Variants in ANKRD30B observed in about 807,000 individuals in gnomAD.
ANKRD30B encodes ankyrin repeat domain 30B.
In ANKRD30B, 144 loss-of-function variants were observed where a neutral mutation model predicts 202.2. The ratio of observed to expected loss-of-function variants is 0.71; its 90% CI spans 0.62 to 0.82. ANKRD30B has a LOEUF of 0.82. ANKRD30B is among the 40% of genes least tolerant of loss of function. The pLI is 0.00. For synonymous variants in ANKRD30B, 508 were observed against 561.3 expected (o/e 0.91, Z 1.34); for missense variants, 1,487 against 1,669.1 (o/e 0.89, Z 1.90).
the ANKRD30B span, among the ~76,000 whole-genome samples, chr18:14,933,610 T>A: frequency 6.6e-6 from 1 of 151,944 alleles, no homozygotes; most frequent in East Asian, 1.9e-4. Context: ...TGAGGCTTCC[T>A]CTCCTGGGCT....
intron 3 of ANKRD30B, among the ~76,000 whole-genome samples, chr18:14,754,211 G>T (rs1355128442): frequency 6.6e-6 from 1 of 152,066 alleles, no homozygotes; most frequent in East Asian, 1.9e-4. Context: ...TTGGCATCTG[G>T]GATCTTGGGA....
the ANKRD30B span, among the ~76,000 whole-genome samples, chr18:14,941,123 T>G: frequency 7.9e-5 from 12 of 152,224 alleles, no homozygotes; most frequent in Admixed American, 1.3e-4. Flanking sequence ...AGAAATAAAC[T>G]TATTGAACCA....
intron 1 of ANKRD30B, among the ~76,000 whole-genome samples, chr18:14,751,443 A>AGG (rs1913436341): frequency 6.6e-6 from 1 of 152,092 alleles, no homozygotes; most frequent in African/African-American, 2.4e-5. Context: ...TGAGAGATTT[A>AGG]AAATTGGAGT....
At chr18:14,759,864 A>G (rs1441137849) in intron 5 of ANKRD30B, among the ~76,000 whole-genome samples, 1 of 152,250 alleles carries the variant, frequency 6.6e-6, no homozygotes, top group Admixed American at 6.5e-5. Context: ...AAACTGCAAC[A>G]TTTCAACATT....
At chr18:14,871,045 C>CCT in the ANKRD30B span, among the ~76,000 whole-genome samples, 2 of 113,148 alleles carry the variant, frequency 1.8e-5, no homozygotes, top group Admixed American at 8.7e-5. Context: ...ACACCCCCAC[C>CCT]CACACACCCC....
rs1192239447 is a variant in ANKRD30B at position 14,788,618 on chromosome 18, C to G, written c.1734+1518C>G. On this transcript the variant is annotated intron_variant, in intron 15 of 43. Coordinates refer to ENST00000690538, the MANE Select transcript of ANKRD30B (RefSeq NM_001367607.2). Reference sequence around the variant, plus strand: ...GTCCATGTGTTCTCATTGTTCAATTCCCACCTATGAGTGAGAATATGCGGT... The same window carrying G: ...GTCCATGTGTTCTCATTGTTCAATTGCCACCTATGAGTGAGAATATGCGGT... Among the ~76,000 whole-genome samples the G allele has an allele frequency of 2.0e-5, 3 of 150,086 alleles. No individual in the cohort carries two copies. In the South Asian group the frequency reaches 6.5e-4, roughly 33 times the overall value.
At chr18:14,768,848 G>A (rs139049076) in intron 7 of ANKRD30B, among the ~76,000 whole-genome samples, 22 of 152,216 alleles carry the variant, frequency 1.4e-4, no homozygotes, top group East Asian at 1.4e-3. Flanking sequence ...TTTTCTGTCC[G>A]TCTTACAGGA....
At chr18:14,860,019 A>T in the ANKRD30B span, among the ~76,000 whole-genome samples, 1 of 137,450 alleles carries the variant, frequency 7.3e-6, no homozygotes, top group Non-Finnish European at 1.6e-5. Flanking sequence ...AGCTGGGCAG[A>T]GGCGCTCCTC....
chr18:14,867,554 G>A, the ANKRD30B span, among the ~76,000 whole-genome samples: 1 of 152,180 alleles, frequency 6.6e-6, no homozygotes, highest in Non-Finnish European at 1.5e-5. Flanking sequence ...CCCGGCCCTT[G>A]CCCTCTTGCT....
At chr18:14,855,711 G>A (rs528606067), downstream of ANKRD30B, among the ~76,000 whole-genome samples, 1 of 148,704 alleles carries the variant, frequency 6.7e-6, no homozygotes, top group Non-Finnish European at 1.5e-5. Flanking sequence ...AGACGGGGCG[G>A]CTGGGCAGAG....
In ANKRD30B at chr18:14,749,304, G is replaced by A. The variant is rs571318673; in HGVS notation, c.221+664G>A. On this transcript the variant is annotated intron_variant, in intron 1 of 43. Transcript: ENST00000690538. ...TTAAATTACACAGGCTTTTACTGTT[G>A]TGATGACATTTTAAATATTTTGTAA... is the stretch of plus-strand genomic sequence containing the variant. Among the ~76,000 whole-genome samples the A allele has an allele frequency of 1.1e-4, 16 of 152,280 alleles. No individual in the cohort carries two copies. The South Asian group carries it at 3.1e-3, about 30-fold the overall frequency.
the ANKRD30B span, among the ~76,000 whole-genome samples, chr18:14,876,107 G>A: frequency 6.6e-6 from 1 of 151,998 alleles, no homozygotes; most frequent in Admixed American, 6.6e-5. Context: ...AAAAGGAACA[G>A]GGCATGGCTC....
chr18:14,822,516 T>C lies in ANKRD30B; in HGVS notation c.2670+5T>C. ...GATAAAGATGGTCTTCTGAAGGTAA[T>C]AACTTTTATATTTTTATCTTGAATA... On this transcript the variant is annotated splice_donor_5th_base_variant and intron_variant, in intron 31 of 43. Coordinates refer to ENST00000690538, the MANE Select transcript of ANKRD30B (RefSeq NM_001367607.2). 2.2e-6 allele frequency: 3 copies of C among 1,336,844 alleles called. No individual in the cohort carries two copies. The highest frequency in any genetic ancestry group is 3.2e-6 in the Non-Finnish European group (3 of 944,202). The allele number at this position is 1,336,844 out of a possible 1,614,324, so 82.8% of individuals were successfully genotyped here.
At chr18:14,749,152 C>A (rs1322242826) in intron 1 of ANKRD30B, among the ~76,000 whole-genome samples, 1 of 152,082 alleles carries the variant, frequency 6.6e-6, no homozygotes. Context: ...TGCTGAGGGA[C>A]CTTAGAAGGA....
At chr18:14,750,232 C>T (rs538684707) in intron 1 of ANKRD30B, among the ~76,000 whole-genome samples, 5 of 152,088 alleles carry the variant, frequency 3.3e-5, no homozygotes, top group Non-Finnish European at 4.4e-5. Flanking sequence ...AGAATTCACT[C>T]AAATCAACAG....
the ANKRD30B span, among the ~76,000 whole-genome samples, chr18:14,882,021 T>C: frequency 6.6e-6 from 1 of 152,220 alleles, no homozygotes; most frequent in Non-Finnish European, 1.5e-5. Flanking sequence ...TTGCTAATGG[T>C]CTATCGATTT....
chr18:14,845,344 A>C (rs1364117162), intron 39 of ANKRD30B, among the ~76,000 whole-genome samples: 8 of 152,300 alleles, frequency 5.3e-5, no homozygotes, highest in South Asian at 2.1e-4. Context: ...TTTATTAAAT[A>C]GGGAATTCTT....
chr18:14,869,617 G>A, the ANKRD30B span, among the ~76,000 whole-genome samples: 49 of 152,124 alleles, frequency 3.2e-4, no homozygotes, highest in Middle Eastern at 3.4e-3. Flanking sequence ...AAATCTGTTT[G>A]CAAAATTTTA....
the ANKRD30B span, among the ~76,000 whole-genome samples, chr18:14,887,822 G>A: frequency 2.0e-5 from 3 of 151,490 alleles, no homozygotes; most frequent in African/African-American, 4.8e-5. Flanking sequence ...TAGGAAAAAA[G>A]CATGATTATT....
Sources: allele counts gnomAD v4.1 joint callset (sites outside exome capture counted in the v4.1 genomes callset), GRCh38; gene constraint gnomAD v4.1.1; transcripts MANE v1.5; gene names NCBI Gene and HGNC (gene_info 2026-07-23, HGNC 2026-07-21).